The following PKN2 variants were observed in gnomAD, a reference collection of about 807,000 sequenced individuals.
The protein encoded by PKN2 is protein kinase N2, also known as serine/threonine-protein kinase N2.
A neutral mutation model predicts 119.1 loss-of-function variants in PKN2; 38 were observed. The ratio of observed to expected loss-of-function variants is 0.32; its 90% CI spans 0.25 to 0.42. The LOEUF (loss-of-function observed/expected upper bound fraction) is 0.42. Among genes scored for constraint, PKN2 ranks in the 10% least tolerant of loss-of-function variants. The pLI is 1.00. For synonymous variants in PKN2, 390 were observed against 384.9 expected (o/e 1.01, Z -0.15); for missense variants, 850 against 1,165.1 (o/e 0.73, Z 3.94).
chr1:88,793,203 A>G (rs1670919067), intron 8 of PKN2, among the ~76,000 whole-genome samples: 1 of 152,096 alleles, frequency 6.6e-6, no homozygotes, highest in South Asian at 2.1e-4. Context: ...ATGGTCTGTA[A>G]GTGTTTGTGT....
At chr1:88,805,096 T>C (rs982712176) in intron 10 of PKN2, among the ~76,000 whole-genome samples, 175 bp downstream of exon 10, 1 of 152,138 alleles carries the variant, frequency 6.6e-6, no homozygotes, top group Admixed American at 6.5e-5. Context: ...ACTAGTGAAA[T>C]GTACAGTCAC....
chr1:88,822,910 A>G (rs17130619), intron 17 of PKN2, among the ~76,000 whole-genome samples: 10,191 of 152,076 alleles, frequency 0.067, 698 homozygotes, highest in African/African-American at 0.18. Context: ...TCATGATAAG[A>G]TTGTTTTACC....
intron 1 of PKN2, among the ~76,000 whole-genome samples, chr1:88,702,484 AT>A (rs1666813812): frequency 6.6e-6 from 1 of 152,182 alleles, no homozygotes; most frequent in African/African-American, 2.4e-5. Context: ...TGGCCTTGAT[AT>A]ATTTGCTGGT....
rs1376800562 is a variant in PKN2 at position 88,821,828 on chromosome 1, A to T, written c.2280-113A>T. 6.0e-6 allele frequency: 5 copies of T among 832,056 alleles called. No individual in the cohort carries two copies. In the East Asian group the frequency reaches 1.2e-4, roughly 20 times the overall value. The allele number at this position is 832,056 out of a possible 1,614,324, so 51.5% of individuals were successfully genotyped here. A position where few individuals can be genotyped will look rare whatever the true frequency, so the allele number is the denominator to read the frequency against. ...ATGTGATACATAGTAGGGACTAAAT[A>T]AATATTTGTGAAATAAATTAATGAT... On this transcript the variant is annotated intron_variant, in intron 16 of 21. Coordinates refer to ENST00000370521, the MANE Select transcript of PKN2 (RefSeq NM_006256.4).
Position 88,741,052 on chromosome 1 carries a change from A to C in PKN2, c.113A>C (p.Asp38Ala). ...GCTGTTCAAAAATTAGACTTTTCAG[A>C]TACAATGGTGCAGCAGAAATTGGAT... ...VSAVQKLDFSDTMVQQKLDDI... is the reference protein window; with the variant it reads ...VSAVQKLDFSATMVQQKLDDI... Residue 38 changes from aspartate (D) to alanine (A), a missense_variant, in exon 2 of 22, where the codon GAT becomes GCT. Coordinates refer to ENST00000370521, the MANE Select transcript of PKN2 (RefSeq NM_006256.4). 1 of 1,601,786 alleles carries C rather than the reference A, an allele frequency of 6.2e-7. No homozygotes were observed. The highest frequency in any genetic ancestry group is 1.8e-5 in the Admixed American group (1 of 56,968).
intron 2 of PKN2, among the ~76,000 whole-genome samples, chr1:88,741,822 T>C (rs1194849437): frequency 6.6e-6 from 1 of 152,022 alleles, no homozygotes; most frequent in Non-Finnish European, 1.5e-5. Flanking sequence ...ACTTTTATTT[T>C]CTTTATAGAA....
chr1:88,822,373 G>A (rs1177370931), intron 17 of PKN2, among the ~76,000 whole-genome samples: 7 of 152,264 alleles, frequency 4.6e-5, no homozygotes, highest in Admixed American at 1.3e-4. Context: ...GTGTTAGAGT[G>A]TAAAACATCA....
intron 15 of PKN2, among the ~76,000 whole-genome samples, chr1:88,810,700 G>A (rs1476793721): frequency 2.0e-5 from 3 of 151,854 alleles, no homozygotes; most frequent in Non-Finnish European, 2.9e-5. Context: ...TCCGCCTCCC[G>A]GGTTCAAGCG....
At position 88,833,288 on chromosome 1, in the gene PKN2, C is replaced by T; in HGVS notation, c.2795C>T (p.Pro932Leu). Residue 932 changes from proline to leucine, a missense_variant, in exon 22 of 22, where the codon CCA (proline) becomes CTA (leucine). Physicochemically the swap from Pro to Leu is moderately conservative, Grantham distance 98. Coordinates refer to ENST00000370521, the MANE Select transcript of PKN2 (RefSeq NM_006256.4). ...CTGATGGACAAAAAAGTAAAGCCAC[C>T]ATTTATACCTACCATAAGAGGACGA... Reference protein sequence around the residue: ...SALMDKKVKPPFIPTIRGRED... With the variant: ...SALMDKKVKPLFIPTIRGRED... 6.2e-7 allele frequency: 1 copy of T among 1,613,276 alleles called. No homozygotes were observed.
In PKN2 at chr1:88,718,892, A is replaced by G. The variant is rs1165150571; in HGVS notation, c.49-22096A>G. Among the ~76,000 whole-genome samples the G allele has an allele frequency of 2.2e-4, 34 of 152,184 alleles. 1 individual carries two copies. The highest frequency in any genetic ancestry group is 7.4e-5 in the Non-Finnish European group (5 of 68,016). ...CAGAGAGTAATAAAAACACTGTTGT[A>G]TTGACCAGCCATCAAATAAATAAAT... On this transcript the variant is annotated intron_variant, in intron 1 of 21. Coordinates refer to ENST00000370521, the MANE Select transcript of PKN2 (RefSeq NM_006256.4).
intron 1 of PKN2, among the ~76,000 whole-genome samples, chr1:88,734,419 C>G (rs1394679337): frequency 6.6e-6 from 1 of 152,164 alleles, no homozygotes; most frequent in African/African-American, 2.4e-5. Flanking sequence ...TTCATTCTCT[C>G]ATGTGGATAT....
intron 15 of PKN2, among the ~76,000 whole-genome samples, chr1:88,810,799 G>A (rs1671750686): frequency 6.6e-6 from 1 of 151,696 alleles, no homozygotes; most frequent in African/African-American, 2.4e-5. Context: ...TACAGACAGG[G>A]TTTCACCATG....
intron 3 of PKN2, among the ~76,000 whole-genome samples, chr1:88,761,679 T>C (rs17130600): frequency 0.066 from 9,966 of 150,994 alleles, 680 homozygotes; most frequent in African/African-American, 0.17. Context: ...GTACTGTCTA[T>C]AAATGTTTTA....
intron 1 of PKN2, among the ~76,000 whole-genome samples, chr1:88,725,932 GT>G (rs1667881473): frequency 1.3e-5 from 2 of 151,966 alleles, no homozygotes; most frequent in African/African-American, 2.4e-5. Context: ...ATTTTGTTAG[GT>G]TTTTATCTAT....
intron 2 of PKN2, among the ~76,000 whole-genome samples, chr1:88,758,971 C>G (rs1032134357): frequency 1.3e-5 from 2 of 152,188 alleles, no homozygotes; most frequent in African/African-American, 4.8e-5. Context: ...ACACTGTCTT[C>G]CACAATGGTT....
At chr1:88,799,919 G>T (rs1570649600) in intron 8 of PKN2, among the ~76,000 whole-genome samples, 2 of 152,140 alleles carry the variant, frequency 1.3e-5, no homozygotes, top group African/African-American at 4.8e-5. Flanking sequence ...AGCCTATGTT[G>T]TCCTCAGAGG....
At chr1:88,812,036 A>T (rs1458738933) in intron 15 of PKN2, among the ~76,000 whole-genome samples, 1 of 152,188 alleles carries the variant, frequency 6.6e-6, no homozygotes, top group Non-Finnish European at 1.5e-5. Context: ...GACAGGATGA[A>T]TAAGGCTTAA....
intron 1 of PKN2, among the ~76,000 whole-genome samples, chr1:88,702,508 T>G (rs1194887366): frequency 1.3e-5 from 2 of 152,206 alleles, no homozygotes; most frequent in African/African-American, 2.4e-5. Context: ...TAAACTTTGG[T>G]CAGCAGCTTG....
At chr1:88,830,155 T>C (rs1453040828) in intron 19 of PKN2, among the ~76,000 whole-genome samples, 1 of 152,154 alleles carries the variant, frequency 6.6e-6, no homozygotes, top group Non-Finnish European at 1.5e-5. Flanking sequence ...AGCTCTCATA[T>C]GGTGGAGCTG....
Sources: allele counts gnomAD v4.1 joint callset (sites outside exome capture counted in the v4.1 genomes callset), GRCh38; gene constraint gnomAD v4.1.1; transcripts MANE v1.5; gene names NCBI Gene and HGNC (gene_info 2026-07-23, HGNC 2026-07-21).